The following APBB1 variants were observed in gnomAD, a reference collection of about 807,000 sequenced individuals.
The protein encoded by APBB1 is amyloid beta precursor protein binding family B member 1.
In APBB1, 22 loss-of-function variants were observed where a neutral mutation model predicts 78.4. That is an observed-to-expected ratio of 0.28 (90% CI 0.20 to 0.40). APBB1 has a LOEUF of 0.40. APBB1 is among the 10% of genes least tolerant of loss of function. APBB1 has a pLI of 1.00. For missense variants in APBB1, 749 were observed against 932.4 expected, an observed-to-expected ratio of 0.80 and a Z score of 2.56; for synonymous variants, 369 against 372.7, an observed-to-expected ratio of 0.99 and a Z score of 0.12.
intron 1 of APBB1, among the ~76,000 whole-genome samples, chr11:6,412,392 C>A (rs569905121): frequency 3.9e-5 from 6 of 152,148 alleles, no homozygotes; most frequent in Non-Finnish European, 7.4e-5. Flanking sequence ...ACCTCGTGAT[C>A]CGCCCACTTC....
chr11:6,407,773 A>ATTTT (rs34560475), intron 2 of APBB1, among the ~76,000 whole-genome samples: 3,047 of 137,654 alleles, frequency 0.022, 63 homozygotes, highest in African/African-American at 0.052. Context: ...TAGTAGAAGT[A>ATTTT]TTTTTTTTTT....
rs144860529 is a variant in APBB1 at position 6,413,610 on chromosome 11, G to A, written c.-14-2249C>T. 1.7e-3 allele frequency among the ~76,000 whole-genome samples: 253 copies of A among 152,032 alleles called. 3 individuals are homozygous for A. The East Asian group carries it at 0.03, about 18-fold the overall frequency. On this transcript the variant is annotated intron_variant, in intron 1 of 14. Coordinates refer to ENST00000609360, the MANE Select transcript of APBB1 (RefSeq NM_001164.5). ...TGGGATTATAGGTGCCCACCACCAC[G>A]CCCAGCTAATTTTTGTAATTCTTTT...
intron 1 of APBB1, among the ~76,000 whole-genome samples, chr11:6,416,802 C>T (rs1052498334): frequency 3.3e-5 from 5 of 151,398 alleles, no homozygotes; most frequent in Admixed American, 3.3e-4. Flanking sequence ...AGTGCAGTGG[C>T]AAGATCTCGG....
At chr11:6,400,431 A>T (rs1848442768) in intron 12 of APBB1, among the ~76,000 whole-genome samples, 1 of 151,794 alleles carries the variant, frequency 6.6e-6, no homozygotes, top group Admixed American at 6.6e-5. Context: ...AATCCCAGCT[A>T]TTCAGGAGGC....
chr11:6,405,892 G>T (rs1008484564), intron 2 of APBB1, among the ~76,000 whole-genome samples: 1 of 152,154 alleles, frequency 6.6e-6, no homozygotes, highest in African/African-American at 2.4e-5. Context: ...AGCACCCTAG[G>T]GCCTCCATGC....
chr11:6,401,751 C>A lies in APBB1; in HGVS notation c.1389-63G>T, dbSNP rs748552546. 6 of 1,575,694 alleles carry A rather than the reference C, an allele frequency of 3.8e-6. No homozygotes were observed. In the African/African-American group the frequency reaches 5.4e-5, roughly 14 times the overall value. On this transcript the variant is annotated intron_variant, in intron 9 of 14. Transcript: ENST00000609360. The surrounding 1 kb of genome is among the most constrained non-coding windows in gnomAD (Gnocchi z 4.5). ...ATCCAGTGCTGAGCCTGGTCCCCAC[C>A]CCACCCACGTCCTCCCTGCCCATCA...
chr11:6,402,769 A>G (rs1300561707), intron 6 of APBB1, 44 bp from the exon 7 acceptor site: 2 of 1,611,530 alleles, frequency 1.2e-6, no homozygotes, highest in Non-Finnish European at 1.7e-6. Context: ...GATCTGAGTC[A>G]AAACTGGAGA....
chr11:6,407,757 T>C (rs1453341872), intron 2 of APBB1, among the ~76,000 whole-genome samples: 1 of 151,352 alleles, frequency 6.6e-6, no homozygotes, highest in Non-Finnish European at 1.5e-5. Context: ...AATCAGACTT[T>C]GCCTTTAGTA....
At chr11:6,402,864 G>A in intron 6 of APBB1, 139 bp from the exon 7 acceptor site, 2 of 1,118,938 alleles carry the variant, frequency 1.8e-6, no homozygotes, top group Non-Finnish European at 2.6e-6. Flanking sequence ...GTTAGGGAGA[G>A]GGGGATGTGG....
intron 2 of APBB1, chr11:6,405,701 C>T: frequency 2.0e-6 from 2 of 985,412 alleles, no homozygotes; most frequent in Non-Finnish European, 2.4e-6. Context: ...GGGGCTCTTG[C>T]CCATCCACCT....
chr11:6,407,244 TCC>T (rs1232685840), intron 2 of APBB1, among the ~76,000 whole-genome samples: 1 of 152,150 alleles, frequency 6.6e-6, no homozygotes, highest in Non-Finnish European at 1.5e-5. Flanking sequence ...TCACAATGTC[TCC>T]ACCAGTGCAT....
At chr11:6,419,241 G>A (rs1849200323), upstream of APBB1, 3 of 294,284 alleles carry the variant, frequency 1.0e-5, no homozygotes, top group Admixed American at 5.2e-5. Flanking sequence ...CTCGGACCTC[G>A]GTGAGCCCCG....
chr11:6,401,419 T>G lies in APBB1; in HGVS notation c.1514A>C (p.Glu505Ala). The G allele has an allele frequency of 1.9e-6, 3 of 1,613,748 alleles. No homozygotes were observed. In the East Asian group the frequency reaches 6.7e-5, roughly 36 times the overall value. ...LHEICSKIMA[E>A]RRNARCLVNG... ...TACCAAGCAGCGGGCATTACGCCGTTCGGCCATGATCTGAGGAAGGAAGGG... is the reference window on the plus strand; with the variant it reads ...TACCAAGCAGCGGGCATTACGCCGTGCGGCCATGATCTGAGGAAGGAAGGG... The change falls in exon 11 of 15, where the codon GAA (glutamate) becomes GCA (alanine). Residue 505 changes from glutamate (E) to alanine (A), a missense_variant. This residue lies in a region of APBB1 where 635 missense variants were observed against 765.0 expected (regional missense o/e 0.83). Coordinates refer to ENST00000609360, the MANE Select transcript of APBB1 (RefSeq NM_001164.5). The surrounding 1 kb of genome is among the most constrained non-coding windows in gnomAD (Gnocchi z 4.5).
At position 6,401,899 on chromosome 11, in the gene APBB1, G is replaced by A. The variant is rs756288447; in HGVS notation, c.1388+78C>T. 6 of 1,544,368 alleles carry A rather than the reference G, an allele frequency of 3.9e-6. No individual in the cohort carries two copies. The highest frequency in any genetic ancestry group is 3.5e-6 in the Non-Finnish European group (4 of 1,144,662). ...ATGGTGGAGCATAGCGGGTGGGAAGGGGCAGGGCAGAAGAGGGGAGCTTGG... is the reference window on the plus strand; with the variant it reads ...ATGGTGGAGCATAGCGGGTGGGAAGAGGCAGGGCAGAAGAGGGGAGCTTGG... On this transcript the variant is annotated intron_variant, in intron 9 of 14. Coordinates refer to ENST00000609360, the MANE Select transcript of APBB1 (RefSeq NM_001164.5). This position sits in a 1 kb window ranked among gnomAD's most constrained non-coding sequence, Gnocchi z 4.5.
Position 6,401,317 on chromosome 11 carries a change from CT to C in APBB1, c.1588+27del. On this transcript the variant is annotated intron_variant, in intron 11 of 14. Transcript: ENST00000609360. The surrounding 1 kb of genome is among the most constrained non-coding windows in gnomAD (Gnocchi z 4.5). The stretch of plus-strand genomic sequence containing the variant: ...ACCCACCTTTGCCAACAAAGCTGAG[CT>C]GGACCTGGAGGGGTTTTGACACTGA... 1 of 1,614,168 alleles carries C rather than the reference CT, an allele frequency of 6.2e-7. No individual in the cohort carries two copies. The highest frequency in any genetic ancestry group is 8.5e-7 in the Non-Finnish European group (1 of 1,180,034).
Position 6,395,650 on chromosome 11 carries a change from G to C in APBB1, c.2017C>G (p.Leu673Val). 2.5e-6 allele frequency: 4 copies of C among 1,594,536 alleles called. No homozygotes were observed. The highest frequency in any genetic ancestry group is 3.4e-6 in the Non-Finnish European group (4 of 1,169,094). Residue 673 changes from leucine to valine, a missense_variant, in exon 15 of 15, where the codon CTC (leucine) becomes GTC (valine). Leu to Val is a conservative substitution (Grantham distance 32). Around this residue, in one of 3 missense-constraint regions of APBB1, gnomAD observed 96 missense variants for 116.0 expected, o/e 0.83. Transcript: ENST00000609360. The surrounding 1 kb of genome is among the most constrained non-coding windows in gnomAD (Gnocchi z 5.2). Reference protein sequence around the residue: ...DARSQASTSCLPAPPAESVAR... With the variant: ...DARSQASTSCVPAPPAESVAR... ...ACAGACTCAGCAGGGGGTGCTGGGA[G>C]GCAGGAGGTGGAGGCCTGGGAACGG...
rs2134031663 is a variant in APBB1 at position 6,395,778 on chromosome 11, T to C, written c.1965+8A>G. On this transcript the variant is annotated splice_region_variant and intron_variant, in intron 14 of 14. Transcript: ENST00000609360. This position sits in a 1 kb window ranked among gnomAD's most constrained non-coding sequence, Gnocchi z 5.2. ...CGCCACCACCACACCACCCTACTAG[T>C]AGCTTACCATGCACGCAGCCTGCAC... is the stretch of plus-strand genomic sequence containing the variant. 1.3e-6 allele frequency: 2 copies of C among 1,552,038 alleles called. No homozygotes were observed. The highest frequency in any genetic ancestry group is 1.7e-4 in the Middle Eastern group (1 of 5,924).
At chr11:6,402,364 G>A (rs936154257) in intron 7 of APBB1, 155 bp from the exon 8 acceptor site, 27 of 1,184,822 alleles carry the variant, frequency 2.3e-5, no homozygotes, top group African/African-American at 4.6e-5. Flanking sequence ...TGGAGGTCAC[G>A]TGTCATCTCT....
Position 6,411,026 on chromosome 11 carries a change from A to G in APBB1, c.322T>C (p.Leu108=), listed in dbSNP as rs974186671. 1 of 1,614,122 alleles carries G rather than the reference A, an allele frequency of 6.2e-7. No homozygotes were observed. Among genetic ancestry groups the G allele is most frequent in the African/African-American group, 1.3e-5 (1 of 75,062 alleles). The part of the protein sequence containing the change: ...EASQEPEMAP[L]GPKGLIHLYS... ...AGGTGTATCAGGCCTTTGGGGCCCAAGGGTGCCATCTCAGGCTCCTGGCTG... is the reference window on the plus strand; with the variant it reads ...AGGTGTATCAGGCCTTTGGGGCCCAGGGGTGCCATCTCAGGCTCCTGGCTG... The change falls in exon 2 of 15, where the codon TTG becomes CTG. Residue 108 remains leucine (L), a synonymous_variant. Coordinates refer to ENST00000609360, the MANE Select transcript of APBB1 (RefSeq NM_001164.5). This position sits in a 1 kb window ranked among gnomAD's most constrained non-coding sequence, Gnocchi z 5.2.
Sources: gnomAD v4.1 joint callset for allele counts (sites outside exome capture counted in the v4.1 genomes callset) on GRCh38, gnomAD v4.1.1 for gene constraint, gnomAD v4.1.1 regional missense constraint, Gnocchi (gnomAD v3.1) non-coding constraint, MANE v1.5 for transcripts, NCBI Gene and HGNC (gene_info 2026-07-23, HGNC 2026-07-21) for gene names.